The following EPHA4 variants were observed in gnomAD, a reference collection of about 807,000 sequenced individuals.
EPHA4 encodes ephrin type-A receptor 4.
Under a neutral mutation model 108.3 loss-of-function variants are expected in EPHA4, and 19 were observed. The ratio of observed to expected loss-of-function variants is 0.18; its 90% CI spans 0.12 to 0.26. The LOEUF is 0.26. Among genes scored for constraint, EPHA4 ranks in the 10% least tolerant of loss-of-function variants. EPHA4 has a pLI of 1.00. For missense variants in EPHA4, 917 were observed against 1,254.0 expected, an observed-to-expected ratio of 0.73 and a Z score of 4.06; for synonymous variants, 449 against 455.5, an observed-to-expected ratio of 0.99 and a Z score of 0.18.
chr2:221,534,568 C>T (rs2680850), intron 3 of EPHA4, among the ~76,000 whole-genome samples: 85,805 of 152,042 alleles, frequency 0.56, 24,948 homozygotes, highest in African/African-American at 0.7. Context: ...AACTTCCCTA[C>T]CTTTTAGAAG....
chr2:221,457,329 A>C (rs1232816111), intron 6 of EPHA4, among the ~76,000 whole-genome samples: 1 of 152,168 alleles, frequency 6.6e-6, no homozygotes, highest in African/African-American at 2.4e-5. Context: ...TATTTGTAAA[A>C]ATAATGCCTT....
chr2:221,473,552 G>GA (rs772366510), intron 5 of EPHA4, among the ~76,000 whole-genome samples: 64,896 of 109,566 alleles, frequency 0.59, 19,159 homozygotes, highest in Non-Finnish European at 0.63. Flanking sequence ...GTGTTTAAAG[G>GA]AAAAAAAAAA....
At position 221,528,208 on chromosome 2, in the gene EPHA4, T is replaced by C. The variant is rs76250216; in HGVS notation, c.824-27036A>G. Among the ~76,000 whole-genome samples the C allele has an allele frequency of 8.0e-3, 1,216 of 152,244 alleles. 19 individuals carry two copies. Among genetic ancestry groups the C allele is most frequent in the African/African-American group, 0.028 (1,167 of 41,530 alleles). On this transcript the variant is annotated intron_variant, in intron 3 of 17. Transcript: ENST00000281821. ...CGTCTCTTAGGTGAAAGAGCAAACA[T>C]ATTAGCATTGTGGGAGAATGTACTC...
At chr2:221,525,855 CTG>C (rs1693308034) in intron 3 of EPHA4, among the ~76,000 whole-genome samples, 1 of 152,160 alleles carries the variant, frequency 6.6e-6, no homozygotes, top group African/African-American at 2.4e-5. Flanking sequence ...CTTTTAGGGA[CTG>C]TGTCTCCAGA....
intron 8 of EPHA4, among the ~76,000 whole-genome samples, chr2:221,452,311 A>G (rs1211909438): frequency 6.6e-6 from 1 of 152,240 alleles, no homozygotes; most frequent in Non-Finnish European, 1.5e-5. Context: ...AGGGTGTTTA[A>G]TCTGTTGCTT....
chr2:221,469,410 G>T (rs1350748183), intron 5 of EPHA4, among the ~76,000 whole-genome samples: 1 of 152,028 alleles, frequency 6.6e-6, no homozygotes, highest in East Asian at 1.9e-4. Context: ...AACACGAGAG[G>T]CTCATATGAC....
intron 3 of EPHA4, chr2:221,502,518 C>T (rs56263717): frequency 0.044 from 20,906 of 471,146 alleles, 632 homozygotes; most frequent in Non-Finnish European, 0.059. Flanking sequence ...AGCAACGCAG[C>T]AGATCTTACT....
intron 4 of EPHA4, among the ~76,000 whole-genome samples, chr2:221,488,592 T>C (rs1209841843): frequency 6.6e-6 from 1 of 152,210 alleles, no homozygotes; most frequent in Non-Finnish European, 1.5e-5. Flanking sequence ...CAATGGGTAA[T>C]TATTATTTTC....
intron 5 of EPHA4, among the ~76,000 whole-genome samples, chr2:221,459,573 A>G (rs1158989779): frequency 6.6e-6 from 1 of 152,148 alleles, no homozygotes; most frequent in African/African-American, 2.4e-5. Context: ...GCACACACAC[A>G]CATACACACA....
In EPHA4 at chr2:221,418,310, T is replaced by C. The variant is rs1276623229; in HGVS notation, c.*3062A>G. ...GTATGAACTAAATTATAATATGCCTTATACATTCTAATTTGAACCACAGTC... is the reference window on the plus strand; with the variant it reads ...GTATGAACTAAATTATAATATGCCTCATACATTCTAATTTGAACCACAGTC... On this transcript the variant is annotated 3_prime_UTR_variant, in exon 18 of 18. Coordinates refer to ENST00000281821, the MANE Select transcript of EPHA4 (RefSeq NM_004438.5). 6.5e-6 allele frequency: 1 copy of C among 152,678 alleles called. No homozygotes were observed. Among genetic ancestry groups the C allele is most frequent in the Non-Finnish European group, 1.5e-5 (1 of 68,040 alleles). The allele number at this position is 152,678 out of a possible 1,614,324, so 9.5% of individuals were successfully genotyped here. A position where few individuals can be genotyped will look rare whatever the true frequency, so the allele number is the denominator to read the frequency against.
At chr2:221,456,810 A>G (rs764487946) in intron 6 of EPHA4, 38 bp from the exon 7 acceptor site, 2 of 1,609,828 alleles carry the variant, frequency 1.2e-6, no homozygotes, top group Non-Finnish European at 8.5e-7. Context: ...AAGGTGGCAA[A>G]ATAAATCTCC....
At chr2:221,489,024 G>A (rs1276858242) in intron 4 of EPHA4, among the ~76,000 whole-genome samples, 3 of 152,198 alleles carry the variant, frequency 2.0e-5, no homozygotes, top group African/African-American at 4.8e-5. Flanking sequence ...CATGAAATCT[G>A]TGTGAGCCTT....
intron 3 of EPHA4, among the ~76,000 whole-genome samples, chr2:221,515,716 C>T (rs922571774): frequency 2.0e-5 from 3 of 152,086 alleles, no homozygotes; most frequent in African/African-American, 7.2e-5. Context: ...ACTGGGGAGG[C>T]TGAGGTGGGA....
intron 3 of EPHA4, among the ~76,000 whole-genome samples, chr2:221,563,079 T>G (rs1490699817): frequency 6.6e-6 from 1 of 152,200 alleles, no homozygotes; most frequent in East Asian, 1.9e-4. Flanking sequence ...CTTGCTTAAT[T>G]ACCACCTCCT....
intron 4 of EPHA4, among the ~76,000 whole-genome samples, chr2:221,490,344 T>C (rs1050513611): frequency 6.6e-6 from 1 of 151,950 alleles, no homozygotes; most frequent in African/African-American, 2.4e-5. Flanking sequence ...AAGTCTCTGG[T>C]CTCATGTGAT....
At chr2:221,561,216 TG>T (rs1694454201) in intron 3 of EPHA4, among the ~76,000 whole-genome samples, 1 of 152,090 alleles carries the variant, frequency 6.6e-6, no homozygotes, top group Non-Finnish European at 1.5e-5. Context: ...CACTCCAGCC[TG>T]GGCGATGGAG....
intron 8 of EPHA4, among the ~76,000 whole-genome samples, chr2:221,447,591 G>A (rs577291972): frequency 9.9e-5 from 15 of 152,216 alleles, no homozygotes; most frequent in Admixed American, 4.6e-4. Flanking sequence ...ATGTTTCTCC[G>A]TGGGGATAAT....
At chr2:221,510,758 C>T (rs1423298656) in intron 3 of EPHA4, among the ~76,000 whole-genome samples, 1 of 152,090 alleles carries the variant, frequency 6.6e-6, no homozygotes, top group Non-Finnish European at 1.5e-5. Flanking sequence ...TATTATTTTC[C>T]CTTCTTGCCT....
chr2:221,522,399 T>C (rs911386866), intron 3 of EPHA4, among the ~76,000 whole-genome samples: 4 of 152,178 alleles, frequency 2.6e-5, no homozygotes, highest in African/African-American at 9.7e-5. Flanking sequence ...AGCTGTAGGA[T>C]TGGTCCAGTG....
Sources: allele counts gnomAD v4.1 joint callset (sites outside exome capture counted in the v4.1 genomes callset), GRCh38; gene constraint gnomAD v4.1.1; transcripts MANE v1.5; gene names NCBI Gene and HGNC (gene_info 2026-07-23, HGNC 2026-07-21).